KIF1B: variants seen among roughly 807,000 people sequenced by gnomAD.
KIF1B encodes the protein kinesin-like protein KIF1B.
Under a neutral mutation model 241.9 loss-of-function variants are expected in KIF1B, and 76 were observed. The ratio of observed to expected loss-of-function variants is 0.31; its 90% CI spans 0.26 to 0.38. KIF1B has a LOEUF of 0.38. Ranked by LOEUF, KIF1B falls within the 10% of genes least tolerant of loss-of-function variation. The pLI is 1.00. For synonymous variants in KIF1B, 750 were observed against 796.7 expected, an observed-to-expected ratio of 0.94 and a Z score of 0.99; for missense variants, 1,622 against 2,271.4, an observed-to-expected ratio of 0.71 and a Z score of 5.81.
chr1:10,347,716 G>A, intron 35 of KIF1B, 45 bp from the exon 36 acceptor site: 3 of 1,516,642 alleles, frequency 2.0e-6, no homozygotes, highest in African/African-American at 2.7e-5. Flanking sequence ...AAGCCTTGCA[G>A]ATGAAGTAGC....
rs573543022 is a variant in KIF1B, at chr1:10,218,513, C to T, written c.-80+7635C>T. 1.5e-3 allele frequency among the ~76,000 whole-genome samples: 229 copies of T among 152,030 alleles called. 1 individual carries two copies. Among genetic ancestry groups the T allele is most frequent in the African/African-American group, 4.9e-3 (204 of 41,464 alleles). ...TTGGCTCACTGCAACCTTCATCTCC[C>T]GGGTTCAAGTGATTCTCCTGCCTCA... On this transcript the variant is annotated intron_variant, in intron 1 of 48. Transcript: ENST00000676179.
intron 25 of KIF1B, 92 bp from the exon 26 acceptor site, chr1:10,324,666 T>TTTTA: frequency 6.9e-7 from 1 of 1,445,548 alleles, no homozygotes; most frequent in South Asian, 1.2e-5. Flanking sequence ...TTTTTTTTTT[T>TTTTA]GAAGAAAATC....
At chr1:10,315,409 C>G (rs1426094459) in intron 22 of KIF1B, among the ~76,000 whole-genome samples, 1 of 150,924 alleles carries the variant, frequency 6.6e-6, no homozygotes, top group Non-Finnish European at 1.5e-5. Flanking sequence ...CTCCTGACCT[C>G]AGGTGATCTG....
intron 45 of KIF1B, 147 bp downstream of exon 45, chr1:10,371,409 A>G (rs1569923193): frequency 1.1e-6 from 1 of 905,620 alleles, no homozygotes; most frequent in Non-Finnish European, 1.8e-6. Context: ...TGGCTATCAC[A>G]GTGACTGGAG....
chr1:10,238,751 G>T (rs138030841), intron 2 of KIF1B, among the ~76,000 whole-genome samples: 2 of 151,876 alleles, frequency 1.3e-5, no homozygotes, highest in East Asian at 3.9e-4. Context: ...AACACCAAAA[G>T]AAAGTAATGC....
intron 3 of KIF1B, among the ~76,000 whole-genome samples, chr1:10,256,699 TAA>T (rs1647802487): frequency 6.7e-6 from 1 of 149,300 alleles, no homozygotes; most frequent in African/African-American, 2.4e-5. Context: ...CAAATAATAA[TAA>T]TAATTATTAT....
In KIF1B at chr1:10,264,051, ACT is replaced by A. The variant is rs375559129; in HGVS notation, c.429+2085_429+2086del. 2.5e-4 allele frequency among the ~76,000 whole-genome samples: 38 copies of A among 152,060 alleles called. 1 individual carries two copies. In the East Asian group the frequency reaches 4.3e-3, roughly 17 times the overall value. On this transcript the variant is annotated intron_variant, in intron 5 of 48. Transcript: ENST00000676179. Reference sequence around the variant, plus strand: ...TTCTTCAAGTCTGCATAAATCACACACTCTCAGTGAGGCTTACCTTGACCACC... The same window carrying A: ...TTCTTCAAGTCTGCATAAATCACACACTCAGTGAGGCTTACCTTGACCACC...
chr1:10,333,657 A>T (rs1224533892), intron 27 of KIF1B, among the ~76,000 whole-genome samples: 1 of 152,092 alleles, frequency 6.6e-6, no homozygotes, highest in African/African-American at 2.4e-5. Flanking sequence ...GCACCACTGC[A>T]TTCCAGCCTG....
At chr1:10,273,808 A>AGTGCTT (rs1648952378) in intron 10 of KIF1B, among the ~76,000 whole-genome samples, 1 of 151,124 alleles carries the variant, frequency 6.6e-6, no homozygotes. Context: ...GAATAGAAAA[A>AGTGCTT]GTGCTTGTGC....
intron 1 of KIF1B, among the ~76,000 whole-genome samples, chr1:10,226,893 A>G (rs1272957439): frequency 1.3e-5 from 2 of 152,016 alleles, no homozygotes; most frequent in East Asian, 3.9e-4. Context: ...ACCTGAGCCC[A>G]GGAGGTCAAG....
At chr1:10,221,941 A>T (rs918361833) in intron 1 of KIF1B, among the ~76,000 whole-genome samples, 4 of 151,984 alleles carry the variant, frequency 2.6e-5, no homozygotes, top group African/African-American at 9.7e-5. Flanking sequence ...TCAGCCTCCT[A>T]AGTAGCTGGG....
At position 10,379,569 on chromosome 1, in the gene KIF1B, G is replaced by A. The variant is rs1298079827; in HGVS notation, c.*2982G>A. ...TAGTTGTTGCTGTTGTGGCGGGAAA[G>A]TTAAGAAACATAGCCCTTAAGGAAA... On this transcript the variant is annotated 3_prime_UTR_variant, in exon 49 of 49. Transcript: ENST00000676179. The A allele has an allele frequency of 1.7e-5, 4 of 231,688 alleles. No homozygotes were observed. Among genetic ancestry groups the A allele is most frequent in the Admixed American group, 1.1e-4 (2 of 17,734 alleles). The allele number at this position is 231,688 out of a possible 1,614,324, so 14.4% of individuals were successfully genotyped here.
intron 22 of KIF1B, among the ~76,000 whole-genome samples, chr1:10,301,864 C>T (rs1299566306): frequency 6.6e-6 from 1 of 152,070 alleles, no homozygotes; most frequent in Admixed American, 6.6e-5. Context: ...TAGTTAAGAG[C>T]GATTGCTTAT....
rs569460042 is a variant in KIF1B at position 10,379,123 on chromosome 1, G to A, written c.*2536G>A. The A allele has an allele frequency of 3.4e-5, 8 of 231,986 alleles. 2 individuals are homozygous for A. The highest frequency in any genetic ancestry group is 1.8e-4 in the African/African-American group (8 of 45,350). The allele number at this position is 231,986 out of a possible 1,614,324, so 14.4% of individuals were successfully genotyped here. A position where few individuals can be genotyped will look rare whatever the true frequency, so the allele number is the denominator to read the frequency against. On this transcript the variant is annotated 3_prime_UTR_variant, in exon 49 of 49. Transcript: ENST00000676179. ...ATTTGAAGGTCACTTTTAAAATTAA[G>A]TCATTGATGCTGCTGTTACAGAGTG...
At chr1:10,285,747 G>A (rs957334188) in intron 15 of KIF1B, among the ~76,000 whole-genome samples, 2 of 152,112 alleles carry the variant, frequency 1.3e-5, no homozygotes, top group Non-Finnish European at 2.9e-5. Flanking sequence ...AATGCTGCAC[G>A]CAGATAACAT....
At chr1:10,280,864 C>G (rs1319095014) in intron 14 of KIF1B, among the ~76,000 whole-genome samples, 1 of 152,120 alleles carries the variant, frequency 6.6e-6, no homozygotes, top group African/African-American at 2.4e-5. Flanking sequence ...ATTCTGTATT[C>G]CTGAGGGAAA....
Position 10,216,957 on chromosome 1 carries a change from C to CTTTTTTTT in KIF1B, c.-80+6106_-80+6113dup, listed in dbSNP as rs70998362. Among the ~76,000 whole-genome samples the CTTTTTTTT allele has an allele frequency of 2.9e-3, 157 of 54,522 alleles. 17 individuals carry two copies. Among genetic ancestry groups the CTTTTTTTT allele is most frequent in the East Asian group, 7.7e-3 (9 of 1,170 alleles). The allele number at this position is 54,522 out of a possible 152,430, so 35.8% of individuals were successfully genotyped here. ...TTTCCCTGCAGTACTTGCCCATTTT[C>CTTTTTTTT]TTTTTTTTTTTTTTTTTTTTTTTTT... On this transcript the variant is annotated intron_variant, in intron 1 of 48. Coordinates refer to ENST00000676179, the MANE Select transcript of KIF1B (RefSeq NM_001365951.3).
chr1:10,218,621 A>G (rs913966319), intron 1 of KIF1B, among the ~76,000 whole-genome samples: 8 of 152,048 alleles, frequency 5.3e-5, no homozygotes, highest in African/African-American at 1.9e-4. Flanking sequence ...GCGTTTCATC[A>G]TGTTGGCCAG....
intron 24 of KIF1B, among the ~76,000 whole-genome samples, chr1:10,323,144 G>A (rs1312957274): frequency 6.6e-6 from 1 of 152,080 alleles, no homozygotes; most frequent in Non-Finnish European, 1.5e-5. Flanking sequence ...TTACAGGTGT[G>A]AACTTCCGTG....
Sources: gnomAD v4.1 joint callset for allele counts (sites outside exome capture counted in the v4.1 genomes callset) on GRCh38, gnomAD v4.1.1 for gene constraint, MANE v1.5 for transcripts, NCBI Gene and HGNC (gene_info 2026-07-23, HGNC 2026-07-21) for gene names.